Variants in NBAS observed in about 807,000 individuals in gnomAD.
NBAS encodes NAG/BC035112 fusion.
In NBAS, 219 loss-of-function variants were observed where a neutral mutation model predicts 302.5. The ratio of observed to expected loss-of-function variants is 0.72; its 90% CI spans 0.65 to 0.81. NBAS has a LOEUF of 0.81. NBAS is among the 30% of genes least tolerant of loss of function. The probability of loss-of-function intolerance (pLI) is 0.00; values close to 1 mark genes in which losing one functional copy is unlikely to be tolerated. For synonymous variants in NBAS, 1,118 were observed against 1,021.6 expected (o/e 1.09, Z -1.80); for missense variants, 2,932 against 2,841.6 (o/e 1.03, Z -0.72).
chr2:15,104,328 C>A, the NBAS span, among the ~76,000 whole-genome samples: 1 of 152,128 alleles, frequency 6.6e-6, no homozygotes, highest in African/African-American at 2.4e-5. Flanking sequence ...TCTTTATTAG[C>A]AGCATGAAAG....
the NBAS span, among the ~76,000 whole-genome samples, chr2:14,895,739 C>CA: frequency 0.022 from 2,110 of 95,320 alleles, 75 homozygotes; most frequent in African/African-American, 0.057. Flanking sequence ...GACTCCGTCT[C>CA]AAAAAAAAAA....
intron 25 of NBAS, among the ~76,000 whole-genome samples, chr2:15,408,977 C>T (rs1676554214): frequency 6.6e-6 from 1 of 152,106 alleles, no homozygotes; most frequent in African/African-American, 2.4e-5. Flanking sequence ...TTCCAGAGAC[C>T]AGCCTGGGCA....
At chr2:14,910,472 T>C in the NBAS span, among the ~76,000 whole-genome samples, 1 of 152,232 alleles carries the variant, frequency 6.6e-6, no homozygotes, top group African/African-American at 2.4e-5. Context: ...AGCGTCAACC[T>C]GTCTGGCCAT....
chr2:15,217,815 A>C (rs780965058), intron 48 of NBAS, among the ~76,000 whole-genome samples: 15 of 152,274 alleles, frequency 9.9e-5, no homozygotes, highest in Non-Finnish European at 1.5e-4. Flanking sequence ...ACTTAGAGTC[A>C]AAAGATGGTA....
Position 15,461,772 on chromosome 2 carries a change from T to A in NBAS, c.2117A>T (p.His706Leu), listed in dbSNP as rs1202158804. Residue 706 changes from histidine (H) to leucine (L), a missense_variant, in exon 20 of 52, where the codon CAT becomes CTT. Physicochemically the swap from His to Leu is moderately conservative, Grantham distance 99. Transcript: ENST00000281513. ...ATYEEILGVP[H>L]ASEQRYDAEF... ...AGCATCATATCTCTGTTCAGATGCA[T>A]GAGGCACTCCTAGGATTTCCTGAGG... 6.2e-7 allele frequency: 1 copy of A among 1,600,408 alleles called. No homozygotes were observed. Among genetic ancestry groups the A allele is most frequent in the Non-Finnish European group, 8.6e-7 (1 of 1,168,394 alleles).
At chr2:15,099,044 C>T in the NBAS span, among the ~76,000 whole-genome samples, 2 of 152,000 alleles carry the variant, frequency 1.3e-5, no homozygotes, top group East Asian at 1.9e-4. Context: ...CCATGGCTCA[C>T]GCCTGTAATC....
At chr2:15,557,885 T>C (rs1664720600) in intron 2 of NBAS, among the ~76,000 whole-genome samples, 1 of 152,196 alleles carries the variant, frequency 6.6e-6, no homozygotes, top group Non-Finnish European at 1.5e-5. Flanking sequence ...TGTTAGTTCA[T>C]ACGTAAAATT....
chr2:15,033,297 G>A, the NBAS span, among the ~76,000 whole-genome samples: 5 of 152,128 alleles, frequency 3.3e-5, no homozygotes, highest in Non-Finnish European at 7.4e-5. Flanking sequence ...TATTTTGGAA[G>A]CAAATTACTT....
chr2:15,540,220 T>A (rs948511100), intron 6 of NBAS, among the ~76,000 whole-genome samples: 2 of 152,192 alleles, frequency 1.3e-5, no homozygotes, highest in African/African-American at 4.8e-5. Flanking sequence ...ACTCAAGGTG[T>A]CACCTTGAGT....
chr2:15,092,320 A>G, the NBAS span, among the ~76,000 whole-genome samples: 3 of 152,182 alleles, frequency 2.0e-5, no homozygotes, highest in African/African-American at 7.2e-5. Flanking sequence ...CAAAAAATCT[A>G]CCTAAGATGG....
At chr2:14,990,435 T>A in the NBAS span, among the ~76,000 whole-genome samples, 1 of 149,754 alleles carries the variant, frequency 6.7e-6, no homozygotes, top group Non-Finnish European at 1.5e-5. Flanking sequence ...AAAAAAAAAA[T>A]TGTTAAAACA....
chr2:15,475,875 CTT>C lies in NBAS; in HGVS notation c.1151_1152del (p.Lys384ArgfsTer43), dbSNP rs1234886272. On this transcript the variant is annotated frameshift_variant, in exon 14 of 52. Transcript: ENST00000281513. LOFTEE classifies it high-confidence loss of function. ...ACATCTATCAGTGGGTAAAAGGACTCTTTATCTAAGAAGCGAAAAACAAATCA... is the reference window on the plus strand; with the variant it reads ...ACATCTATCAGTGGGTAAAAGGACTCTATCTAAGAAGCGAAAAACAAATCA... The part of the protein sequence containing the change: ...STEKRKKIKD[K>X]ESFYPLIDVN... 2.5e-6 allele frequency: 4 copies of C among 1,612,304 alleles called. No homozygotes were observed. Among genetic ancestry groups the C allele is most frequent in the South Asian group, 1.1e-5 (1 of 90,814 alleles).
chr2:14,938,106 T>TGACA, the NBAS span, among the ~76,000 whole-genome samples: 1 of 151,878 alleles, frequency 6.6e-6, no homozygotes, highest in African/African-American at 2.4e-5. Flanking sequence ...CCAGCCTGGG[T>TGACA]GACAGCGAGA....
At chr2:15,405,061 G>C (rs1408020076) in intron 25 of NBAS, among the ~76,000 whole-genome samples, 2 of 151,982 alleles carry the variant, frequency 1.3e-5, no homozygotes, top group Non-Finnish European at 2.9e-5. Context: ...ATGTCTCCTT[G>C]TTTTAGTCTA....
intron 38 of NBAS, among the ~76,000 whole-genome samples, chr2:15,318,717 G>T (rs1384949202): frequency 1.3e-5 from 2 of 152,110 alleles, no homozygotes; most frequent in Non-Finnish European, 2.9e-5. Flanking sequence ...AAATATATAT[G>T]CACCCAATAC....
the NBAS span, among the ~76,000 whole-genome samples, chr2:15,001,155 A>G: frequency 2.7e-4 from 41 of 152,170 alleles, no homozygotes; most frequent in Non-Finnish European, 4.4e-4. Flanking sequence ...TGAGGAACAC[A>G]AGGTTGATGG....
At chr2:15,326,760 A>C (rs1211757446) in intron 38 of NBAS, among the ~76,000 whole-genome samples, 1 of 152,154 alleles carries the variant, frequency 6.6e-6, no homozygotes, top group Non-Finnish European at 1.5e-5. Flanking sequence ...GTAGAAAAAC[A>C]TGCATCTCAG....
At chr2:15,326,139 C>G (rs1183742818) in intron 38 of NBAS, among the ~76,000 whole-genome samples, 1 of 152,102 alleles carries the variant, frequency 6.6e-6, no homozygotes, top group Non-Finnish European at 1.5e-5. Flanking sequence ...TCACAAATCA[C>G]CGTAACAGAT....
the NBAS span, among the ~76,000 whole-genome samples, chr2:15,036,544 G>A: frequency 2.0e-5 from 3 of 152,156 alleles, no homozygotes; most frequent in East Asian, 1.9e-4. Flanking sequence ...TAACACTCCC[G>A]AGTTCTGATT....
Sources: gnomAD v4.1 joint callset for allele counts (sites outside exome capture counted in the v4.1 genomes callset) on GRCh38, gnomAD v4.1.1 for gene constraint, MANE v1.5 for transcripts, NCBI Gene and HGNC (gene_info 2026-07-23, HGNC 2026-07-21) for gene names.